The following GALNT7 variants were observed in gnomAD, a reference collection of about 807,000 sequenced individuals.
GALNT7 encodes N-acetylgalactosaminyltransferase 7.
GALNT7 carries 60 observed loss-of-function variants against 82.1 expected under a neutral mutation model. That is an observed-to-expected ratio of 0.73 (90% confidence interval 0.59 to 0.91). The LOEUF is 0.91. GALNT7 is among the 40% of genes least tolerant of loss of function. GALNT7 has a pLI of 0.00. For missense variants in GALNT7, 660 were observed against 804.2 expected (o/e 0.82, Z 2.17); for synonymous variants, 243 against 275.1 (o/e 0.88, Z 1.15).
intron 1 of GALNT7, among the ~76,000 whole-genome samples, chr4:173,170,415 G>T (rs935278569): frequency 1.3e-5 from 2 of 152,218 alleles, no homozygotes; most frequent in Non-Finnish European, 2.9e-5. Flanking sequence ...AGAATCCTAG[G>T]AGGAGATCCC....
intron 1 of GALNT7, among the ~76,000 whole-genome samples, chr4:173,182,642 G>A (rs566341267): frequency 8.7e-5 from 13 of 149,362 alleles, no homozygotes; most frequent in African/African-American, 3.0e-4. Context: ...GAATGATGAG[G>A]CAAGCAGGTT....
chr4:173,169,153 C>T (rs1443406831), intron 1 of GALNT7, 192 bp downstream of exon 1: 4 of 261,934 alleles, frequency 1.5e-5, no homozygotes, highest in South Asian at 3.1e-4. Context: ...CCGCCGCCGG[C>T]CCGCCCCCTC....
At chr4:173,264,135 C>G (rs1432638384) in intron 2 of GALNT7, among the ~76,000 whole-genome samples, 1 of 152,150 alleles carries the variant, frequency 6.6e-6, no homozygotes, top group African/African-American at 2.4e-5. Context: ...TCCACCCCCT[C>G]CACCCTTCCC....
chr4:173,178,125 A>G (rs1043720709), intron 1 of GALNT7, among the ~76,000 whole-genome samples: 10 of 150,158 alleles, frequency 6.7e-5, no homozygotes, highest in Non-Finnish European at 1.5e-4. Context: ...ACTATATAAG[A>G]TAGATATTGC....
At chr4:173,271,542 T>G (rs1039011933) in intron 2 of GALNT7, among the ~76,000 whole-genome samples, 1 of 152,132 alleles carries the variant, frequency 6.6e-6, no homozygotes, top group African/African-American at 2.4e-5. Context: ...AAACTTCCTC[T>G]GCCTCCTGGG....
intron 1 of GALNT7, among the ~76,000 whole-genome samples, chr4:173,245,792 C>A (rs1318942231): frequency 6.6e-6 from 1 of 152,178 alleles, no homozygotes; most frequent in Non-Finnish European, 1.5e-5. Flanking sequence ...TACAGTCATG[C>A]GTGCCTTACA....
intron 2 of GALNT7, among the ~76,000 whole-genome samples, chr4:173,263,156 A>G (rs1355692249): frequency 6.6e-6 from 1 of 152,080 alleles, no homozygotes; most frequent in Admixed American, 6.5e-5. Context: ...AACTTCAGAA[A>G]GGGCCTTGGG....
At chr4:173,178,395 T>C (rs1038532916) in intron 1 of GALNT7, among the ~76,000 whole-genome samples, 1 of 152,192 alleles carries the variant, frequency 6.6e-6, no homozygotes, top group African/African-American at 2.4e-5. Flanking sequence ...ATCATTAAAT[T>C]ATAGTTCAGC....
At chr4:173,169,646 T>TC (rs1731783636) in intron 1 of GALNT7, 1 of 150,496 alleles carries the variant, frequency 6.6e-6, no homozygotes, top group African/African-American at 2.4e-5. Context: ...GGACCGCCGG[T>TC]CCCCCTCGCG....
intron 2 of GALNT7, among the ~76,000 whole-genome samples, chr4:173,249,190 T>A (rs564888883): frequency 6.6e-6 from 1 of 152,336 alleles, no homozygotes; most frequent in Non-Finnish European, 1.5e-5. Flanking sequence ...TAGTTGGAAA[T>A]TTAATTCACT....
intron 2 of GALNT7, among the ~76,000 whole-genome samples, chr4:173,261,846 T>C (rs1000492709): frequency 2.6e-5 from 4 of 152,096 alleles, no homozygotes; most frequent in Non-Finnish European, 5.9e-5. Flanking sequence ...TAAAAAATAA[T>C]AGATAGCTGC....
chr4:173,303,014 G>T (rs2126849662), intron 7 of GALNT7, among the ~76,000 whole-genome samples: 1 of 152,294 alleles, frequency 6.6e-6, no homozygotes, highest in East Asian at 1.9e-4. Context: ...AGCCAACATG[G>T]TGAAACCCCA....
chr4:173,227,973 C>T (rs1733891257), intron 1 of GALNT7, among the ~76,000 whole-genome samples: 1 of 152,016 alleles, frequency 6.6e-6, no homozygotes, highest in Non-Finnish European at 1.5e-5. Flanking sequence ...AGCCTCTTTT[C>T]AGCTGTGCTA....
At chr4:173,201,168 G>A (rs1732935706) in intron 1 of GALNT7, among the ~76,000 whole-genome samples, 1 of 152,092 alleles carries the variant, frequency 6.6e-6, no homozygotes, top group Non-Finnish European at 1.5e-5. Context: ...AGACCTTTTA[G>A]AATGAATTTT....
In GALNT7 at chr4:173,168,932, G is replaced by T. The variant is rs1731733239; in HGVS notation, c.97G>T (p.Asp33Tyr). The T allele has an allele frequency of 1.2e-6, 2 of 1,613,716 alleles. No individual in the cohort carries two copies. Among genetic ancestry groups the T allele is most frequent in the Non-Finnish European group, 1.7e-6 (2 of 1,179,792 alleles). ...CTGGTCTTCCCTGACCCCGCGGCCG[G>T]ACGACCCAAGCCCGCTGAGCAGGAT... ...VLWSSLTPRP[D>Y]DPSPLSRMRE... is the part of the protein sequence containing the mutation. The change falls in exon 1 of 12, where the codon GAC becomes TAC. Residue 33 changes from aspartate (D) to tyrosine (Y), a missense_variant. Physicochemically the swap from Asp to Tyr is radical, Grantham distance 160. This residue lies in a region of GALNT7 where 133 missense variants were observed against 120.7 expected (regional missense o/e 1.10). Transcript: ENST00000265000.
intron 1 of GALNT7, among the ~76,000 whole-genome samples, chr4:173,195,834 A>G (rs1732755040): frequency 6.6e-6 from 1 of 152,240 alleles, no homozygotes; most frequent in Non-Finnish European, 1.5e-5. Flanking sequence ...AATAGTGAGG[A>G]CAAAGAGAGT....
chr4:173,286,036 A>T (rs1468307213), intron 2 of GALNT7, among the ~76,000 whole-genome samples: 1 of 152,184 alleles, frequency 6.6e-6, no homozygotes, highest in Admixed American at 6.5e-5. Flanking sequence ...ACAACAAAAA[A>T]CCTTTTCCAG....
At chr4:173,318,281 A>C (rs1737675895) in intron 10 of GALNT7, 150 bp from the exon 11 acceptor site, 2 of 580,262 alleles carry the variant, frequency 3.4e-6, no homozygotes, top group African/African-American at 2.0e-5. Flanking sequence ...AATAAATATA[A>C]TTTGTCTGTG....
intron 1 of GALNT7, among the ~76,000 whole-genome samples, chr4:173,238,980 G>C (rs1352303509): frequency 6.6e-6 from 1 of 151,988 alleles, no homozygotes; most frequent in Non-Finnish European, 1.5e-5. Context: ...TTAATTACTT[G>C]CTTGTTTTTA....
Sources: allele counts gnomAD v4.1 joint callset (sites outside exome capture counted in the v4.1 genomes callset), GRCh38; gene constraint gnomAD v4.1.1; regional missense constraint gnomAD v4.1.1; transcripts MANE v1.5; gene names NCBI Gene and HGNC (gene_info 2026-07-23, HGNC 2026-07-21).